Variants in ARHGAP20 observed in about 807,000 individuals in gnomAD.
ARHGAP20 encodes the protein Rho GTPase activating protein 20.
Under a neutral mutation model 73.7 loss-of-function variants are expected in ARHGAP20, and 34 were observed. That is an observed-to-expected ratio of 0.46 (90% CI 0.35 to 0.61). The LOEUF (loss-of-function observed/expected upper bound fraction) is 0.61. ARHGAP20 is among the 20% of genes least tolerant of loss of function. The probability of loss-of-function intolerance (pLI) is 0.00; values close to 1 mark genes in which losing one functional copy is unlikely to be tolerated. For synonymous variants in ARHGAP20, 523 were observed against 518.2 expected, an observed-to-expected ratio of 1.01 and a Z score of -0.13; for missense variants, 1,314 against 1,420.9, an observed-to-expected ratio of 0.92 and a Z score of 1.21.
intron 2 of ARHGAP20, among the ~76,000 whole-genome samples, chr11:110,634,891 C>A (rs1948932351): frequency 1.3e-5 from 2 of 151,860 alleles, no homozygotes; most frequent in African/African-American, 4.8e-5. Context: ...CAATCCAGAG[C>A]TGAACTAAAT....
intron 9 of ARHGAP20, among the ~76,000 whole-genome samples, chr11:110,592,980 T>C (rs999360964): frequency 1.3e-5 from 2 of 151,872 alleles, no homozygotes; most frequent in Non-Finnish European, 2.9e-5. Context: ...AAATATAATG[T>C]CATGAGGTAG....
At chr11:110,689,797 C>T (rs1353877583) in intron 2 of ARHGAP20, among the ~76,000 whole-genome samples, 4 of 152,098 alleles carry the variant, frequency 2.6e-5, no homozygotes, top group Admixed American at 2.6e-4. Context: ...AGCAGCTTCC[C>T]AGTGAGATCC....
chr11:110,702,829 A>G (rs1028806915), intron 1 of ARHGAP20, among the ~76,000 whole-genome samples: 3 of 152,130 alleles, frequency 2.0e-5, no homozygotes, highest in African/African-American at 7.2e-5. Context: ...ACTTATGAGG[A>G]ATGTGAAGGA....
At chr11:110,618,402 G>A (rs1037438480) in intron 4 of ARHGAP20, among the ~76,000 whole-genome samples, 13 of 152,206 alleles carry the variant, frequency 8.5e-5, no homozygotes, top group African/African-American at 2.9e-4. Context: ...AGGTACTTAA[G>A]TTAAAATATT....
intron 5 of ARHGAP20, 98 bp from the exon 6 acceptor site, chr11:110,614,743 T>C (rs1462755224): frequency 1.3e-6 from 1 of 757,734 alleles, no homozygotes; most frequent in African/African-American, 1.8e-5. Flanking sequence ...ATATTTCCAA[T>C]ATACTTATAT....
intron 2 of ARHGAP20, among the ~76,000 whole-genome samples, chr11:110,689,202 C>T (rs1005676507): frequency 5.6e-4 from 85 of 151,924 alleles, no homozygotes; most frequent in African/African-American, 2.0e-3. Flanking sequence ...GGGGTTTCAA[C>T]ATGTTAGCCA....
At chr11:110,652,185 C>T (rs1469720390) in intron 2 of ARHGAP20, among the ~76,000 whole-genome samples, 7 of 151,252 alleles carry the variant, frequency 4.6e-5, no homozygotes, top group Admixed American at 1.3e-4. Context: ...CTAAAAATAC[C>T]TAGTTTATTG....
chr11:110,621,274 G>T (rs1948623590), intron 4 of ARHGAP20, among the ~76,000 whole-genome samples: 1 of 152,022 alleles, frequency 6.6e-6, no homozygotes, highest in Non-Finnish European at 1.5e-5. Flanking sequence ...TAGTCACACT[G>T]TCTAGGGTTC....
chr11:110,581,654 C>T (rs1265441478), intron 14 of ARHGAP20, among the ~76,000 whole-genome samples: 1 of 152,140 alleles, frequency 6.6e-6, no homozygotes, highest in Non-Finnish European at 1.5e-5. Context: ...TCCTTAATAT[C>T]CATTACCTTA....
Position 110,582,329 on chromosome 11 carries a change from T to C in ARHGAP20, c.1712A>G (p.Asn571Ser). 1 of 1,606,396 alleles carries C rather than the reference T, an allele frequency of 6.2e-7. No homozygotes were observed. Among genetic ancestry groups the C allele is most frequent in the Non-Finnish European group, 8.5e-7 (1 of 1,173,022 alleles). Residue 571 changes from asparagine to serine, a missense_variant, in exon 14 of 15, where the codon AAT becomes AGT. This residue lies in a region of ARHGAP20 where 230 missense variants were observed against 317.6 expected (regional missense o/e 0.72). Coordinates refer to ENST00000683387, the MANE Select transcript of ARHGAP20 (RefSeq NM_001384657.1). ...CCAATTATTCACAATACCTGAGGCATTCTCTCTAGTGTCACATCTCACTGA... is the reference window on the plus strand; with the variant it reads ...CCAATTATTCACAATACCTGAGGCACTCTCTCTAGTGTCACATCTCACTGA... Reference protein sequence around the residue: ...EVSVRCDTRENASDISCFQLN... With the variant: ...EVSVRCDTRESASDISCFQLN...
At chr11:110,679,853 T>C (rs1950004169) in intron 2 of ARHGAP20, among the ~76,000 whole-genome samples, 1 of 152,318 alleles carries the variant, frequency 6.6e-6, no homozygotes, top group South Asian at 2.1e-4. Flanking sequence ...CCAGATGACA[T>C]GGTGTACATG....
chr11:110,693,092 G>A (rs1404205614), intron 1 of ARHGAP20, among the ~76,000 whole-genome samples: 1 of 151,934 alleles, frequency 6.6e-6, no homozygotes, highest in Non-Finnish European at 1.5e-5. Context: ...CTTTTGAAAT[G>A]GGTGTTTTTC....
rs183830559 is a variant in ARHGAP20 at position 110,669,098 on chromosome 11, A to G, written c.188+21449T>C. On this transcript the variant is annotated intron_variant, in intron 2 of 14. Transcript: ENST00000683387. ...TAGAACACAGAATGAACAAACTCAA[A>G]GAAAAAATGATAAATTGGACTTCAT... is the stretch of plus-strand genomic sequence containing the variant. Among the ~76,000 whole-genome samples, 551 of 152,322 alleles carry G rather than the reference A, an allele frequency of 3.6e-3. 3 individuals carry two copies. Among genetic ancestry groups the G allele is most frequent in the African/African-American group, 0.012 (515 of 41,586 alleles).
At chr11:110,665,145 G>A (rs148865378) in intron 2 of ARHGAP20, among the ~76,000 whole-genome samples, 43 of 152,276 alleles carry the variant, frequency 2.8e-4, no homozygotes, top group African/African-American at 9.9e-4. Context: ...TGAATGGGAT[G>A]TAAACAAAAA....
intron 1 of ARHGAP20, chr11:110,711,699 G>C (rs1950661461): frequency 6.9e-7 from 1 of 1,442,466 alleles, no homozygotes; most frequent in Non-Finnish European, 9.1e-7. Context: ...GACATCGCCG[G>C]CCCTGACTTT....
intron 10 of ARHGAP20, 97 bp downstream of exon 10, chr11:110,591,880 G>C: frequency 7.9e-7 from 1 of 1,265,554 alleles, no homozygotes; most frequent in Non-Finnish European, 1.1e-6. Context: ...AGACAGTGGT[G>C]TCTATAATTT....
At chr11:110,581,299 T>G (rs1415699013) in intron 14 of ARHGAP20, 74 bp from the exon 15 acceptor site, 2 of 1,414,892 alleles carry the variant, frequency 1.4e-6, no homozygotes, top group African/African-American at 2.9e-5. Flanking sequence ...AAGAACAAAT[T>G]CTCTTTTCAT....
intron 1 of ARHGAP20, chr11:110,691,170 C>A: frequency 2.1e-6 from 1 of 474,770 alleles, no homozygotes; most frequent in Middle Eastern, 3.0e-4. Flanking sequence ...ACTGTAACTT[C>A]AAACAATAAA....
chr11:110,703,653 T>TTATACATTATTCTTTGTTTCC (rs1950500509), intron 1 of ARHGAP20, among the ~76,000 whole-genome samples: 1 of 152,144 alleles, frequency 6.6e-6, no homozygotes, highest in Non-Finnish European at 1.5e-5. Context: ...AGAATTTCCC[T>TTATACATTATTCTTTGTTTCC]TATACATTAT....
Sources: gnomAD v4.1 joint callset for allele counts (sites outside exome capture counted in the v4.1 genomes callset) on GRCh38, gnomAD v4.1.1 for gene constraint, gnomAD v4.1.1 regional missense constraint, MANE v1.5 for transcripts, NCBI Gene and HGNC (gene_info 2026-07-23, HGNC 2026-07-21) for gene names.